Variants in ICA1L observed in about 807,000 individuals in gnomAD.
The protein encoded by ICA1L is islet cell autoantigen 1 like.
In ICA1L, 50 loss-of-function variants were observed where a neutral mutation model predicts 61.3. The ratio of observed to expected loss-of-function variants is 0.82; its 90% CI spans 0.65 to 1.03. The LOEUF is 1.03. ICA1L is among the 50% of genes least tolerant of loss of function. The pLI is 0.00. For synonymous variants in ICA1L, 161 were observed against 191.3 expected (o/e 0.84, Z 1.31); for missense variants, 508 against 556.7 (o/e 0.91, Z 0.88).
Position 202,784,425 on chromosome 2 carries a change from ACT to A in ICA1L, c.1333+1491_1333+1492del, listed in dbSNP as rs1009857579. Among the ~76,000 whole-genome samples, 153 of 152,254 alleles carry A rather than the reference ACT, an allele frequency of 1.0e-3. 1 individual carries two copies. Among genetic ancestry groups the A allele is most frequent in the African/African-American group, 3.5e-3 (146 of 41,546 alleles). On this transcript the variant is annotated intron_variant, in intron 12 of 12. Transcript: ENST00000358299. ...GCACCATTGCACTCCAGCCTGGGCG[ACT>A]CTGTCTCCAAAAAAACAACAACAAA...
chr2:202,839,048 A>C (rs1395263475), intron 1 of ICA1L, among the ~76,000 whole-genome samples: 2 of 152,284 alleles, frequency 1.3e-5, no homozygotes, highest in Admixed American at 6.5e-5. Context: ...CCAACACTGG[A>C]AGTCATATTT....
chr2:202,824,778 A>C (rs1485039104), intron 3 of ICA1L, among the ~76,000 whole-genome samples: 1 of 152,218 alleles, frequency 6.6e-6, no homozygotes, highest in Non-Finnish European at 1.5e-5. Flanking sequence ...AGAGATCCAA[A>C]GATTGAGTTT....
At chr2:202,833,920 AG>A (rs911529046) in intron 1 of ICA1L, among the ~76,000 whole-genome samples, 1 of 152,126 alleles carries the variant, frequency 6.6e-6, no homozygotes, top group Admixed American at 6.5e-5. Flanking sequence ...GGCTGGGGGG[AG>A]GGGTATTGGG....
chr2:202,774,226 C>A lies in ICA1L; in HGVS notation c.*5307G>T, dbSNP rs1243402521. On this transcript the variant is annotated 3_prime_UTR_variant, in exon 13 of 13. Transcript: ENST00000358299. ...GCAGCGCCGGATCGAAGGCGCGGGG[C>A]GGCTCCTGAGTCTTCTCGCTCCTGT... is the stretch of plus-strand genomic sequence containing the variant. The A allele has an allele frequency of 1.3e-6, 2 of 1,549,492 alleles. No individual in the cohort carries two copies. Among genetic ancestry groups the A allele is most frequent in the Admixed American group, 2.0e-5 (1 of 50,622 alleles).
chr2:202,852,658 C>T (rs549902683), intron 1 of ICA1L, among the ~76,000 whole-genome samples: 11 of 119,660 alleles, frequency 9.2e-5, no homozygotes, highest in East Asian at 4.9e-4. Context: ...GGTGACAGAG[C>T]GAGACTCTGT....
Position 202,838,960 on chromosome 2 carries a change from T to C in ICA1L, c.-7-9944A>G, listed in dbSNP as rs182359469. ...ACAACCAAATCCCGTGAGGACTCAC[T>C]TATCACCATGGGGACAGTACCAAGC... On this transcript the variant is annotated intron_variant, in intron 1 of 12. Transcript: ENST00000358299. 2.0e-3 allele frequency among the ~76,000 whole-genome samples: 303 copies of C among 152,198 alleles called. 2 individuals are homozygous for C. Among genetic ancestry groups the C allele is most frequent in the African/African-American group, 7.1e-3 (293 of 41,524 alleles).
chr2:202,812,538 C>T (rs552918628), intron 8 of ICA1L, among the ~76,000 whole-genome samples: 9 of 152,026 alleles, frequency 5.9e-5, no homozygotes, highest in Middle Eastern at 3.2e-3. Flanking sequence ...GATCATGCCA[C>T]TGCACTCTAG....
chr2:202,780,016 G>A (rs1692350960), intron 12 of ICA1L, among the ~76,000 whole-genome samples: 1 of 152,042 alleles, frequency 6.6e-6, no homozygotes, highest in African/African-American at 2.4e-5. Flanking sequence ...ATAATTGTAT[G>A]CTGCTCTGAG....
chr2:202,834,367 A>C (rs1694091225), intron 1 of ICA1L, among the ~76,000 whole-genome samples: 1 of 152,096 alleles, frequency 6.6e-6, no homozygotes. Flanking sequence ...GGTGGCTCAC[A>C]CCTGTAATCC....
At chr2:202,846,071 G>A (rs139222282) in intron 1 of ICA1L, among the ~76,000 whole-genome samples, 25 of 152,262 alleles carry the variant, frequency 1.6e-4, no homozygotes, top group Non-Finnish European at 2.4e-4. Context: ...GCTCAAAAAT[G>A]TCGGCAATGG....
At chr2:202,821,005 C>CA in intron 4 of ICA1L, among the ~76,000 whole-genome samples, 1 of 151,868 alleles carries the variant, frequency 6.6e-6, no homozygotes, top group Non-Finnish European at 1.5e-5. Context: ...TATCAAAAAG[C>CA]GAAATTGGAA....
At chr2:202,841,513 G>A (rs573743889) in intron 1 of ICA1L, 18 of 737,746 alleles carry the variant, frequency 2.4e-5, no homozygotes, top group Admixed American at 1.0e-4. Flanking sequence ...GGGTGCACAC[G>A]GCCTGGATGT....
rs535856677 is a variant in ICA1L at position 202,773,905 on chromosome 2, G to T, written c.*5628C>A. On this transcript the variant is annotated 3_prime_UTR_variant, in exon 13 of 13. Coordinates refer to ENST00000358299, the MANE Select transcript of ICA1L (RefSeq NM_001288622.3). ...CCTGCTAAATAAACCAGTGGAATAA[G>T]AACAGTCAACGTAGAAAGAGACAGA... 8.0e-7 allele frequency: 1 copy of T among 1,249,358 alleles called. No individual in the cohort carries two copies. The highest frequency in any genetic ancestry group is 1.2e-6 in the Non-Finnish European group (1 of 856,866). The allele number at this position is 1,249,358 out of a possible 1,614,324, so 77.4% of individuals were successfully genotyped here.
At chr2:202,815,137 G>A (rs1693496848) in intron 7 of ICA1L, among the ~76,000 whole-genome samples, 1 of 152,108 alleles carries the variant, frequency 6.6e-6, no homozygotes, top group East Asian at 1.9e-4. Context: ...AGCAGAAATT[G>A]GATATAAAAT....
intron 1 of ICA1L, among the ~76,000 whole-genome samples, chr2:202,836,690 T>A (rs1694156324): frequency 6.9e-6 from 1 of 144,574 alleles, no homozygotes; most frequent in Non-Finnish European, 1.5e-5. Context: ...ATTATTGGTC[T>A]TTTCAAATTA....
In ICA1L at chr2:202,779,401, A is replaced by G; in HGVS notation, c.*132T>C. 1.8e-6 allele frequency: 1 copy of G among 563,372 alleles called. No individual in the cohort carries two copies. 34.9% of individuals were successfully genotyped at this position (563,372 alleles called of 1,614,324 possible). A position where few individuals can be genotyped will look rare whatever the true frequency, so the allele number is the denominator to read the frequency against. On this transcript the variant is annotated 3_prime_UTR_variant, in exon 13 of 13. Coordinates refer to ENST00000358299, the MANE Select transcript of ICA1L (RefSeq NM_001288622.3). The stretch of plus-strand genomic sequence containing the variant: ...AATGTGGTCTTTACCATCTGTCTAA[A>G]GTTGGCTGACAGGTGTTATATTCAC...
chr2:202,844,338 T>G (rs1694410720), intron 1 of ICA1L: 1 of 151,870 alleles, frequency 6.6e-6, no homozygotes, highest in Non-Finnish European at 1.5e-5. Context: ...AATGTGCCAC[T>G]GCACTACAGC....
At chr2:202,797,749 T>C (rs1692974006) in intron 9 of ICA1L, among the ~76,000 whole-genome samples, 1 of 152,222 alleles carries the variant, frequency 6.6e-6, no homozygotes, top group Non-Finnish European at 1.5e-5. Context: ...CTTGAACTCC[T>C]GACCTCAAGT....
chr2:202,865,613 C>T (rs2105893165), intron 1 of ICA1L, among the ~76,000 whole-genome samples: 1 of 152,124 alleles, frequency 6.6e-6, no homozygotes, highest in South Asian at 2.1e-4. Context: ...AAGGAAAAGG[C>T]AAAGATGTCT....
Sources: gnomAD v4.1 joint callset for allele counts (sites outside exome capture counted in the v4.1 genomes callset) on GRCh38, gnomAD v4.1.1 for gene constraint, MANE v1.5 for transcripts, NCBI Gene and HGNC (gene_info 2026-07-23, HGNC 2026-07-21) for gene names.